The following KCNIP4 variants were observed in gnomAD, a reference collection of about 807,000 sequenced individuals.
KCNIP4 encodes the protein potassium voltage-gated channel interacting protein 4, also known as Kv channel-interacting protein 4.
KCNIP4 carries 12 observed loss-of-function variants against 34.0 expected under a neutral mutation model. The ratio of observed to expected loss-of-function variants is 0.35; its 90% CI spans 0.23 to 0.57. The LOEUF (loss-of-function observed/expected upper bound fraction) is 0.57. Ranked by LOEUF, KCNIP4 falls within the 20% of genes least tolerant of loss-of-function variation. The pLI, the probability that KCNIP4 is intolerant of heterozygous loss-of-function variation, is 0.83. For synonymous variants in KCNIP4, 124 were observed against 102.2 expected, an observed-to-expected ratio of 1.21 and a Z score of -1.29; for missense variants, 238 against 311.7, an observed-to-expected ratio of 0.76 and a Z score of 1.78.
chr4:21,123,513 G>T (rs1750348448), intron 1 of KCNIP4, among the ~76,000 whole-genome samples: 1 of 152,114 alleles, frequency 6.6e-6, no homozygotes, highest in Non-Finnish European at 1.5e-5. Context: ...AAGAACTTTT[G>T]TTGATACCAG....
chr4:20,734,701 C>T lies in KCNIP4; in HGVS notation c.464G>A (p.Gly155Glu). 1.3e-6 allele frequency: 2 copies of T among 1,592,774 alleles called. No homozygotes were observed. The highest frequency in any genetic ancestry group is 1.7e-6 in the Non-Finnish European group (2 of 1,170,328). The change falls in exon 6 of 9, where the codon GGG (glycine) becomes GAG (glutamate). Residue 155 changes from glycine (G) to glutamate (E), a missense_variant. Physicochemically the swap from Gly to Glu is moderately conservative, Grantham distance 98 (BLOSUM62 -2). Coordinates refer to ENST00000382152, the MANE Select transcript of KCNIP4 (RefSeq NM_025221.6). ...CCAATTGAGTTTTTCTTGTACTGTC[C>T]CCCGGAGCAAAATGGAAAGACCTTT... ...FIKGLSILLR[G>E]TVQEKLNWAF...
Position 20,772,017 on chromosome 4 carries a change from C to T in KCNIP4, c.289-13127G>A, listed in dbSNP as rs940243232. Among the ~76,000 whole-genome samples the T allele has an allele frequency of 2.0e-5, 3 of 152,172 alleles. No homozygotes were observed. In the East Asian group the frequency reaches 5.8e-4, roughly 29 times the overall value. ...CATTCGTGGTCTGCTGGGCACTGAG[C>T]CATGTGGTGTAGGAGATACATGTTC... On this transcript the variant is annotated intron_variant, in intron 3 of 8. Coordinates refer to ENST00000382152, the MANE Select transcript of KCNIP4 (RefSeq NM_025221.6).
At position 21,443,189 on chromosome 4, in the gene KCNIP4, G is replaced by C. The variant is rs1308433565; in HGVS notation, c.61+505382C>G. 2.0e-5 allele frequency among the ~76,000 whole-genome samples: 3 copies of C among 152,104 alleles called. No individual in the cohort carries two copies. In the East Asian group the frequency reaches 5.8e-4, roughly 29 times the overall value. Reference sequence around the variant, plus strand: ...TAATCTTCCAGCTGACCTGTTCCCAGCTCAAGCCTAGTGAAGTCAGTCATC... The same window carrying C: ...TAATCTTCCAGCTGACCTGTTCCCACCTCAAGCCTAGTGAAGTCAGTCATC... On this transcript the variant is annotated intron_variant, in intron 1 of 8. Coordinates refer to ENST00000382152, the MANE Select transcript of KCNIP4 (RefSeq NM_025221.6).
At chr4:21,300,217 G>T (rs1000088766) in intron 1 of KCNIP4, among the ~76,000 whole-genome samples, 4 of 152,038 alleles carry the variant, frequency 2.6e-5, no homozygotes, top group African/African-American at 9.7e-5. Context: ...AAATTGCTTT[G>T]CCATTAAAAT....
At chr4:20,992,267 C>G (rs1311597112) in intron 1 of KCNIP4, among the ~76,000 whole-genome samples, 1 of 152,120 alleles carries the variant, frequency 6.6e-6, no homozygotes, top group Non-Finnish European at 1.5e-5. Context: ...ACTTTCTTCA[C>G]AGGGTGGCAG....
chr4:21,001,551 G>A lies in KCNIP4; in HGVS notation c.62-118842C>T, dbSNP rs191334598. 5.0e-3 allele frequency among the ~76,000 whole-genome samples: 763 copies of A among 152,278 alleles called. 3 individuals carry two copies. The highest frequency in any genetic ancestry group is 8.6e-3 in the Non-Finnish European group (583 of 68,024). Reference sequence around the variant, plus strand: ...TACCTCCTCCTGTTTCCTGGGTGGAGCTGACTTGGTTCTGTGGATGAAAAA... The same window carrying A: ...TACCTCCTCCTGTTTCCTGGGTGGAACTGACTTGGTTCTGTGGATGAAAAA... On this transcript the variant is annotated intron_variant, in intron 1 of 8. Transcript: ENST00000382152.
chr4:21,857,681 T>C (rs1472088204), intron 1 of KCNIP4, among the ~76,000 whole-genome samples: 1 of 152,198 alleles, frequency 6.6e-6, no homozygotes, highest in Non-Finnish European at 1.5e-5. Context: ...AAAGCTCCTC[T>C]TTGCCTTGCT....
In KCNIP4 at chr4:21,556,930, A is replaced by AAAAAAC. The variant is rs1553903110; in HGVS notation, c.61+391640_61+391641insGTTTTT. 1.0e-4 allele frequency among the ~76,000 whole-genome samples: 11 copies of AAAAAAC among 108,262 alleles called. 2 individuals are homozygous for AAAAAAC. The highest frequency in any genetic ancestry group is 1.8e-4 in the Non-Finnish European group (9 of 49,908). 71.0% of individuals were successfully genotyped at this position (108,262 alleles called of 152,430 possible). A position where few individuals can be genotyped will look rare whatever the true frequency, so the allele number is the denominator to read the frequency against. ...AGCAAGACTCCATCTCAGAAAAAAA[A>AAAAAAC]AAAAAAAAAAAAACCAGAAAACAAA... On this transcript the variant is annotated intron_variant, in intron 1 of 8. Transcript: ENST00000382152.
chr4:20,895,641 A>G (rs1043891964), intron 1 of KCNIP4, among the ~76,000 whole-genome samples: 4 of 152,212 alleles, frequency 2.6e-5, no homozygotes, highest in Non-Finnish European at 5.9e-5. Flanking sequence ...GTCTTTATTC[A>G]TTAATTTAAC....
At chr4:20,832,599 G>A (rs1718554721) in intron 3 of KCNIP4, among the ~76,000 whole-genome samples, 1 of 151,810 alleles carries the variant, frequency 6.6e-6, no homozygotes, top group Admixed American at 6.6e-5. Flanking sequence ...AAGATCAATA[G>A]GGAATATATT....
chr4:21,474,313 C>T (rs1730728902), intron 1 of KCNIP4, among the ~76,000 whole-genome samples: 1 of 152,110 alleles, frequency 6.6e-6, no homozygotes, highest in Non-Finnish European at 1.5e-5. Flanking sequence ...TGCCACAGTG[C>T]ACCTAGCAAT....
chr4:21,889,487 A>G (rs1285682964), intron 1 of KCNIP4, among the ~76,000 whole-genome samples: 1 of 152,116 alleles, frequency 6.6e-6, no homozygotes, highest in African/African-American at 2.4e-5. Flanking sequence ...TAGGTACTCA[A>G]CACTCATTTA....
intron 1 of KCNIP4, among the ~76,000 whole-genome samples, chr4:20,960,505 C>T (rs943922549): frequency 2.0e-5 from 3 of 152,188 alleles, no homozygotes; most frequent in African/African-American, 7.2e-5. Flanking sequence ...GCCCCCTGTG[C>T]CCAGTCTGGC....
intron 3 of KCNIP4, among the ~76,000 whole-genome samples, chr4:20,766,351 C>A (rs554739549): frequency 6.6e-6 from 1 of 152,184 alleles, no homozygotes; most frequent in African/African-American, 2.4e-5. Flanking sequence ...GGTGGATCAC[C>A]TGAAATCAGT....
intron 1 of KCNIP4, among the ~76,000 whole-genome samples, chr4:21,781,912 T>C (rs539486837): frequency 6.6e-6 from 1 of 152,216 alleles, no homozygotes; most frequent in African/African-American, 2.4e-5. Flanking sequence ...ATATATAGTT[T>C]AATAGCTAGA....
chr4:21,361,398 A>T (rs1161743317), intron 1 of KCNIP4, among the ~76,000 whole-genome samples: 1 of 152,100 alleles, frequency 6.6e-6, no homozygotes, highest in African/African-American at 2.4e-5. Flanking sequence ...CATTGTTCTT[A>T]TCTGCCCCCT....
chr4:21,341,681 C>T (rs980506852), intron 1 of KCNIP4, among the ~76,000 whole-genome samples: 1 of 152,160 alleles, frequency 6.6e-6, no homozygotes, highest in South Asian at 2.1e-4. Context: ...ATCATAATAA[C>T]CTGCACCTTT....
chr4:21,313,341 TA>T (rs1249403307), intron 1 of KCNIP4, among the ~76,000 whole-genome samples: 1 of 152,166 alleles, frequency 6.6e-6, no homozygotes, highest in Non-Finnish European at 1.5e-5. Context: ...CTCACTGTAA[TA>T]GAGTATAAAT....
intron 1 of KCNIP4, among the ~76,000 whole-genome samples, chr4:21,408,326 G>T (rs1042221102): frequency 6.6e-6 from 1 of 152,172 alleles, no homozygotes; most frequent in Non-Finnish European, 1.5e-5. Flanking sequence ...AGGGTAGCCT[G>T]TTTTGTTAAT....
Sources: gnomAD v4.1 joint callset for allele counts (sites outside exome capture counted in the v4.1 genomes callset) on GRCh38, gnomAD v4.1.1 for gene constraint, MANE v1.5 for transcripts, NCBI Gene and HGNC (gene_info 2026-07-23, HGNC 2026-07-21) for gene names.